Variants in DDX4 observed in about 807,000 individuals in gnomAD.
The protein encoded by DDX4 is probable ATP-dependent RNA helicase DDX4.
A neutral mutation model predicts 100.0 loss-of-function variants in DDX4; 25 were observed. That is an observed-to-expected ratio of 0.25 (90% CI 0.18 to 0.35). DDX4 has a LOEUF of 0.35. DDX4 is among the 10% of genes least tolerant of loss of function. The probability of loss-of-function intolerance (pLI) is 1.00; values close to 1 mark genes in which losing one functional copy is unlikely to be tolerated. For missense variants in DDX4, 635 were observed against 882.4 expected (o/e 0.72, Z 3.55); for synonymous variants, 259 against 275.7 (o/e 0.94, Z 0.60).
intron 2 of DDX4, among the ~76,000 whole-genome samples, chr5:55,740,123 G>A (rs532310148): frequency 6.6e-6 from 1 of 152,224 alleles, no homozygotes; most frequent in South Asian, 2.1e-4. Context: ...CAATAGACAA[G>A]CACTCCTGTT....
chr5:55,749,778 C>T (rs1441950082), intron 3 of DDX4, among the ~76,000 whole-genome samples: 2 of 150,120 alleles, frequency 1.3e-5, no homozygotes, highest in Non-Finnish European at 3.0e-5. Flanking sequence ...CTCCCCTTCC[C>T]CAAAGGAGCA....
intron 8 of DDX4, among the ~76,000 whole-genome samples, chr5:55,780,475 C>T (rs1741841788): frequency 6.6e-6 from 1 of 152,138 alleles, no homozygotes. Context: ...CTTCAGAGGT[C>T]ACTGTTGGAA....
At chr5:55,774,148 AT>A (rs540763890) in intron 7 of DDX4, among the ~76,000 whole-genome samples, 10,574 of 144,338 alleles carry the variant, frequency 0.073, 499 homozygotes, top group African/African-American at 0.16. Context: ...AATTTATCTA[AT>A]TTTTTTTTTT....
intron 2 of DDX4, among the ~76,000 whole-genome samples, chr5:55,745,465 C>A (rs1759200905): frequency 6.6e-6 from 1 of 151,674 alleles, no homozygotes; most frequent in Non-Finnish European, 1.5e-5. Flanking sequence ...ATTCTGTTAC[C>A]CAGGCTGGAG....
Position 55,779,235 on chromosome 5 carries a change from A to T in DDX4, c.395-729A>T, listed in dbSNP as rs1040945423. On this transcript the variant is annotated intron_variant, in intron 7 of 21. Coordinates refer to ENST00000505374, the MANE Select transcript of DDX4 (RefSeq NM_024415.3). ...ACCTTTACAGAAAAGGTTCCAGAAG[A>T]TACAATTTTTTTGAAGAGTTTTGTT... 2.0e-5 allele frequency among the ~76,000 whole-genome samples: 3 copies of T among 152,186 alleles called. No homozygotes were observed. In the East Asian group the frequency reaches 5.8e-4, roughly 29 times the overall value.
chr5:55,763,176 T>C lies in DDX4; in HGVS notation c.207T>C (p.Asp69=). 1 of 1,606,978 alleles carries C rather than the reference T, an allele frequency of 6.2e-7. No homozygotes were observed. Among genetic ancestry groups the C allele is most frequent in the Admixed American group, 1.7e-5 (1 of 59,986 alleles). The change falls in exon 5 of 22, where the codon GAT becomes GAC. Residue 69 remains aspartate, a splice_region_variant and synonymous_variant. Transcript: ENST00000505374. Reference sequence around the variant, plus strand: ...GTTTAACTGTCCACCCTTTTTCAGATGCTGGTGAGTGTAATAAGCGAGATA... The same window carrying C: ...GTTTAACTGTCCACCCTTTTTCAGACGCTGGTGAGTGTAATAAGCGAGATA... ...FASGRNFGNR[D]AGECNKRDNT... is the part of the protein sequence containing the mutation.
chr5:55,740,580 A>G (rs1000154219), intron 2 of DDX4, among the ~76,000 whole-genome samples: 1 of 149,146 alleles, frequency 6.7e-6, no homozygotes, highest in Admixed American at 6.7e-5. Context: ...GTCTCAGCTC[A>G]CTGCAACCTC....
intron 7 of DDX4, among the ~76,000 whole-genome samples, chr5:55,770,624 G>A (rs1741198047): frequency 6.6e-6 from 1 of 152,120 alleles, no homozygotes; most frequent in Non-Finnish European, 1.5e-5. Context: ...ACCGCACCTT[G>A]GAGACATTCT....
Position 55,816,582 on chromosome 5 carries a change from G to T in DDX4, c.*42G>T, listed in dbSNP as rs776040033. 1.9e-6 allele frequency: 3 copies of T among 1,597,130 alleles called. No homozygotes were observed. Among genetic ancestry groups the T allele is most frequent in the East Asian group, 2.2e-5 (1 of 44,740 alleles). ...AAGTCTGTGGTTTTGATGCAGAGAA[G>T]AAAATAGTTTTGATTTTTGAGTTTT... On this transcript the variant is annotated 3_prime_UTR_variant, in exon 22 of 22. Transcript: ENST00000505374.
At chr5:55,810,021 C>T (rs1032915925) in intron 18 of DDX4, among the ~76,000 whole-genome samples, 9 of 135,588 alleles carry the variant, frequency 6.6e-5, no homozygotes, top group Non-Finnish European at 1.2e-4. Flanking sequence ...GAGGGACTCC[C>T]GTAAAGCATA....
In DDX4 at chr5:55,792,627, A is replaced by G; in HGVS notation, c.1303-14A>G. Reference sequence around the variant, plus strand: ...TATGCATTTTCTGTTTTACCTTTGAAAATATCCTTAAAGATTGGTCTCAAA... The same window carrying G: ...TATGCATTTTCTGTTTTACCTTTGAGAATATCCTTAAAGATTGGTCTCAAA... On this transcript the variant is annotated splice_polypyrimidine_tract_variant and intron_variant, in intron 16 of 21. Coordinates refer to ENST00000505374, the MANE Select transcript of DDX4 (RefSeq NM_024415.3). The G allele has an allele frequency of 7.0e-7, 1 of 1,437,828 alleles. No homozygotes were observed. Among genetic ancestry groups the G allele is most frequent in the Non-Finnish European group, 9.4e-7 (1 of 1,068,542 alleles). The allele number at this position is 1,437,828 out of a possible 1,614,324, so 89.1% of individuals were successfully genotyped here. A position where few individuals can be genotyped will look rare whatever the true frequency, so the allele number is the denominator to read the frequency against.
At chr5:55,786,416 TAGAATTAAC>T in intron 13 of DDX4, 93 bp from the exon 14 acceptor site, 3 of 849,096 alleles carry the variant, frequency 3.5e-6, no homozygotes. Context: ...GTATATAAAG[TAGAATTAAC>T]AGAACTTGGA....
chr5:55,744,476 A>G (rs569063063), intron 2 of DDX4, among the ~76,000 whole-genome samples: 7 of 152,340 alleles, frequency 4.6e-5, no homozygotes, highest in African/African-American at 1.7e-4. Context: ...AGGACACCCT[A>G]AGAGTTAGTG....
intron 16 of DDX4, among the ~76,000 whole-genome samples, chr5:55,791,807 T>G (rs551925833): frequency 6.6e-6 from 1 of 152,260 alleles, no homozygotes; most frequent in African/African-American, 2.4e-5. Flanking sequence ...GGCTAATGAC[T>G]AACACGTTAA....
chr5:55,792,556 G>T, intron 16 of DDX4, 85 bp from the exon 17 acceptor site: 3 of 663,092 alleles, frequency 4.5e-6, no homozygotes, highest in Non-Finnish European at 2.2e-6. Flanking sequence ...TTTCTTAACA[G>T]TATTTTAACA....
At chr5:55,796,823 C>CT (rs3990072) in intron 17 of DDX4, among the ~76,000 whole-genome samples, 1,643 of 59,726 alleles carry the variant, frequency 0.028, 240 homozygotes, top group Non-Finnish European at 0.034. Flanking sequence ...TTCTTTCTTT[C>CT]TTTTTTTTTT....
intron 3 of DDX4, among the ~76,000 whole-genome samples, chr5:55,755,517 A>G (rs1320065024): frequency 6.6e-6 from 1 of 152,050 alleles, no homozygotes; most frequent in Admixed American, 6.6e-5. Flanking sequence ...GTACTATTGG[A>G]TGAAATTAGA....
intron 15 of DDX4, among the ~76,000 whole-genome samples, chr5:55,790,138 CTTTTT>C (rs35365600): frequency 2.0e-5 from 2 of 102,026 alleles, no homozygotes; most frequent in Admixed American, 1.4e-4. Flanking sequence ...AAAATATCAC[CTTTTT>C]TTTTTTTTTT....
intron 7 of DDX4, among the ~76,000 whole-genome samples, chr5:55,771,220 A>G (rs917776502): frequency 3.3e-5 from 5 of 152,208 alleles, no homozygotes; most frequent in African/African-American, 1.2e-4. Flanking sequence ...ACTTGAGTTC[A>G]GTGTGTTCAC....
Sources: gnomAD v4.1 joint callset for allele counts (sites outside exome capture counted in the v4.1 genomes callset) on GRCh38, gnomAD v4.1.1 for gene constraint, MANE v1.5 for transcripts, NCBI Gene and HGNC (gene_info 2026-07-23, HGNC 2026-07-21) for gene names.